Variants in SRCIN1 observed in about 807,000 individuals in gnomAD.
SRCIN1 encodes P130Cas-associated protein.
SRCIN1 carries 50 observed loss-of-function variants against 116.2 expected under a neutral mutation model. The ratio of observed to expected loss-of-function variants is 0.43; its 90% confidence interval spans 0.34 to 0.54. SRCIN1 has a LOEUF of 0.54. Among genes scored for constraint, SRCIN1 ranks in the 20% least tolerant of loss-of-function variants. SRCIN1 has a pLI of 0.02. For synonymous variants in SRCIN1, 736 were observed against 750.0 expected (o/e 0.98, Z 0.30); for missense variants, 1,446 against 1,672.0 (o/e 0.86, Z 2.36).
Position 38,562,314 on chromosome 17 carries a change from G to A in SRCIN1, c.849C>T (p.Tyr283=). 3 of 1,475,988 alleles carry A rather than the reference G, an allele frequency of 2.0e-6. No homozygotes were observed. The highest frequency in any genetic ancestry group is 2.9e-5 in the East Asian group (1 of 34,032). 91.4% of individuals were successfully genotyped at this position (1,475,988 alleles called of 1,614,324 possible). A position where few individuals can be genotyped will look rare whatever the true frequency, so the allele number is the denominator to read the frequency against. Residue 283 remains tyrosine, a synonymous_variant, in exon 7 of 19, where the codon TAC becomes TAT. Transcript: ENST00000617146. The surrounding 1 kb of genome is among the most constrained non-coding windows in gnomAD (Gnocchi z 4.2). ...GCGTGGGCGAGGACTCCCGCGATGCGTACACCATCTCTCTCTGCGCAGAAG... is the reference window on the plus strand; with the variant it reads ...GCGTGGGCGAGGACTCCCGCGATGCATACACCATCTCTCTCTGCGCAGAAG... ...TNGDLRREMV[Y]ASRESSPTRR... is the part of the protein sequence containing the mutation.
In SRCIN1 at chr17:38,563,870, A is replaced by C; in HGVS notation, c.541+248T>G. 1.6e-6 allele frequency: 1 copy of C among 610,626 alleles called. No homozygotes were observed. The highest frequency in any genetic ancestry group is 1.9e-5 in the African/African-American group (1 of 53,966). 37.8% of individuals were successfully genotyped at this position (610,626 alleles called of 1,614,324 possible). A position where few individuals can be genotyped will look rare whatever the true frequency, so the allele number is the denominator to read the frequency against. ...AAGGGAGATGGGAGAGAAGGGAGGG[A>C]TGAAAGAAAGGGACAGAAAAGGAAG... On this transcript the variant is annotated intron_variant, in intron 4 of 18. Transcript: ENST00000617146. The surrounding 1 kb of genome is among the most constrained non-coding windows in gnomAD (Gnocchi z 5.8).
At chr17:38,546,190 A>G in intron 17 of SRCIN1, among the ~76,000 whole-genome samples, 1 of 152,248 alleles carries the variant, frequency 6.6e-6, no homozygotes, top group Non-Finnish European at 1.5e-5. Flanking sequence ...GGCTTGTGCC[A>G]GGTGCCGTCA....
In SRCIN1 at chr17:38,578,536, T is replaced by C; in HGVS notation, c.278A>G (p.Gln93Arg). ...FMDHLKSKYP[Q>R]HALALRGQQD... The stretch of plus-strand genomic sequence containing the variant: ...CTGGCCTCGCAGGGCCAGGGCGTGC[T>C]GTGGGTACTTGCTCTTCAGGTGGTC... The change falls in exon 2 of 19, where the codon CAG becomes CGG. Residue 93 changes from glutamine (Q) to arginine (R), a missense_variant. Gln to Arg is a conservative substitution (Grantham distance 43). This residue lies in a region of SRCIN1 where 246 missense variants were observed against 265.1 expected (regional missense o/e 0.93). Transcript: ENST00000617146. 6.3e-7 allele frequency: 1 copy of C among 1,599,530 alleles called. No individual in the cohort carries two copies. The highest frequency in any genetic ancestry group is 8.6e-7 in the Non-Finnish European group (1 of 1,168,278).
rs1357193904 is a variant in SRCIN1 at position 38,572,414 on chromosome 17, A to G, written c.325-4183T>C. Among the ~76,000 whole-genome samples, 1 of 152,000 alleles carries G rather than the reference A, an allele frequency of 6.6e-6. No individual in the cohort carries two copies. Among genetic ancestry groups the G allele is most frequent in the East Asian group, 1.9e-4 (1 of 5,150 alleles). ...CTGGGGAAGAGGGCGCACCCCGGGAAGGTCATGACTTTCCGACGCTGGGGG... is the reference window on the plus strand; with the variant it reads ...CTGGGGAAGAGGGCGCACCCCGGGAGGGTCATGACTTTCCGACGCTGGGGG... On this transcript the variant is annotated intron_variant, in intron 2 of 18. Transcript: ENST00000617146. This position sits in a 1 kb window ranked among gnomAD's most constrained non-coding sequence, Gnocchi z 4.3.
intron 18 of SRCIN1, 80 bp downstream of exon 18, chr17:38,543,743 G>A (rs1904893807): frequency 1.3e-6 from 2 of 1,538,788 alleles, no homozygotes; most frequent in African/African-American, 1.4e-5. Context: ...ACGGGAGCAG[G>A]GGCAGGAGAT....
At chr17:38,534,279 G>A (rs148300683) in intron 18 of SRCIN1, among the ~76,000 whole-genome samples, 10 of 152,306 alleles carry the variant, frequency 6.6e-5, no homozygotes, top group Non-Finnish European at 1.3e-4. Flanking sequence ...ACCTCCAGGG[G>A]CCACCCTCTG....
At chr17:38,570,297 C>T (rs1031618268) in intron 2 of SRCIN1, among the ~76,000 whole-genome samples, 1 of 152,220 alleles carries the variant, frequency 6.6e-6, no homozygotes, top group Admixed American at 6.5e-5. Context: ...GCCTCGCTTA[C>T]ACACACTCAC....
chr17:38,550,419 A>G lies in SRCIN1; in HGVS notation c.2962+736T>C, dbSNP rs182269806. The stretch of plus-strand genomic sequence containing the variant: ...TGAGGCAGGAGAATGGCGAGAACCC[A>G]GGAGGCGGAGCTTGTAGTGAGCCAA... On this transcript the variant is annotated intron_variant, in intron 15 of 18. Coordinates refer to ENST00000617146, the MANE Select transcript of SRCIN1 (RefSeq NM_025248.3). 8.3e-3 allele frequency among the ~76,000 whole-genome samples: 1,257 copies of G among 152,276 alleles called. 6 individuals are homozygous for G. Among genetic ancestry groups the G allele is most frequent in the Middle Eastern group, 0.017 (5 of 294 alleles).
At chr17:38,551,793 C>T in intron 14 of SRCIN1, 93 bp downstream of exon 14, 1 of 1,597,946 alleles carries the variant, frequency 6.3e-7, no homozygotes, top group Non-Finnish European at 8.5e-7. Flanking sequence ...GGAAAAAGAC[C>T]CACAGGATTG....
At position 38,558,191 on chromosome 17, in the gene SRCIN1, C is replaced by T; in HGVS notation, c.2201+36G>A. 2 of 1,602,422 alleles carry T rather than the reference C, an allele frequency of 1.2e-6. No homozygotes were observed. The highest frequency in any genetic ancestry group is 1.7e-6 in the Non-Finnish European group (2 of 1,173,242). On this transcript the variant is annotated intron_variant, in intron 11 of 18. Transcript: ENST00000617146. This position sits in a 1 kb window ranked among gnomAD's most constrained non-coding sequence, Gnocchi z 4.6. Reference sequence around the variant, plus strand: ...CAGGTTGCGGGTCACTCCAGCCGCACCCCCACCCCTCCCTCCGCCGCGGGC... The same window carrying T: ...CAGGTTGCGGGTCACTCCAGCCGCATCCCCACCCCTCCCTCCGCCGCGGGC...
intron 18 of SRCIN1, among the ~76,000 whole-genome samples, chr17:38,539,258 T>C (rs1904579255): frequency 1.3e-5 from 2 of 151,854 alleles, no homozygotes; most frequent in Admixed American, 1.3e-4. Flanking sequence ...TGCCTCTCCA[T>C]ACCCCGGAAC....
intron 2 of SRCIN1, among the ~76,000 whole-genome samples, chr17:38,569,885 G>C (rs992756810): frequency 6.6e-6 from 1 of 152,142 alleles, no homozygotes; most frequent in African/African-American, 2.4e-5. Context: ...GGGAGGGGTA[G>C]CAGAGGGAGT....
Position 38,561,492 on chromosome 17 carries a change from C to T in SRCIN1, c.1671G>A (p.Pro557=), listed in dbSNP as rs762486911. Reference sequence around the variant, plus strand: ...TCTCCGTGTCCTTGGCTGGCACTGGCGGCCCGAACCCAACCAGCGAGCGTT... The same window carrying T: ...TCTCCGTGTCCTTGGCTGGCACTGGTGGCCCGAACCCAACCAGCGAGCGTT... ...PGERSLVGFG[P]PVPAKDTETR... The change falls in exon 7 of 19, where the codon CCG becomes CCA. Residue 557 remains proline (P), a synonymous_variant. Transcript: ENST00000617146. 5.7e-6 allele frequency: 9 copies of T among 1,592,066 alleles called. No homozygotes were observed. In the East Asian group the frequency reaches 9.1e-5, roughly 16 times the overall value.
At chr17:38,535,209 C>CTTT (rs71138630) in intron 18 of SRCIN1, among the ~76,000 whole-genome samples, 9,546 of 128,706 alleles carry the variant, frequency 0.074, 414 homozygotes, top group East Asian at 0.14. Flanking sequence ...CTTTTTCTTT[C>CTTT]TTTTTTTTTT....
intron 18 of SRCIN1, among the ~76,000 whole-genome samples, chr17:38,539,432 T>A (rs1904590656): frequency 6.6e-6 from 1 of 152,174 alleles, no homozygotes; most frequent in South Asian, 2.1e-4. Flanking sequence ...GAGAGGCTGA[T>A]CCTGGTCACT....
In SRCIN1 at chr17:38,552,219, G is replaced by A. The variant is rs904421305; in HGVS notation, c.2481-87C>T. 4.0e-5 allele frequency: 62 copies of A among 1,535,962 alleles called. No individual in the cohort carries two copies. Among genetic ancestry groups the A allele is most frequent in the Non-Finnish European group, 4.7e-5 (54 of 1,137,462 alleles). On this transcript the variant is annotated intron_variant, in intron 13 of 18. Coordinates refer to ENST00000617146, the MANE Select transcript of SRCIN1 (RefSeq NM_025248.3). This position sits in a 1 kb window ranked among gnomAD's most constrained non-coding sequence, Gnocchi z 5.3. ...GGCTGCTCTGAGGGAGGTGGGGTGG[G>A]AGGCAGGCTCTGGGATGCTGTGGGA... is the stretch of plus-strand genomic sequence containing the variant.
intron 2 of SRCIN1, among the ~76,000 whole-genome samples, chr17:38,576,917 A>T (rs2143305011): frequency 1.3e-5 from 2 of 151,946 alleles, no homozygotes; most frequent in Middle Eastern, 6.8e-3. Context: ...ACCATCCAAA[A>T]GCAAACACAG....
chr17:38,534,300 T>C (rs1597874058), intron 18 of SRCIN1, among the ~76,000 whole-genome samples: 1 of 152,190 alleles, frequency 6.6e-6, no homozygotes, highest in African/African-American at 2.4e-5. Flanking sequence ...GCATGCATCG[T>C]GAATGCAGAT....
chr17:38,573,660 A>C (rs1336566787), intron 2 of SRCIN1, among the ~76,000 whole-genome samples: 1 of 152,154 alleles, frequency 6.6e-6, no homozygotes, highest in Non-Finnish European at 1.5e-5. Context: ...TCACAGCCCC[A>C]AGATGCTCCA....
Sources: allele counts gnomAD v4.1 joint callset (sites outside exome capture counted in the v4.1 genomes callset), GRCh38; gene constraint gnomAD v4.1.1; regional missense constraint gnomAD v4.1.1; non-coding constraint Gnocchi (gnomAD v3.1); transcripts MANE v1.5; gene names NCBI Gene and HGNC (gene_info 2026-07-23, HGNC 2026-07-21).